TREML4: variants seen among roughly 807,000 people sequenced by gnomAD.
TREML4 encodes triggering receptor expressed on myeloid cells like 4, also known as trem-like transcript 4 protein.
Under a neutral mutation model 25.4 loss-of-function variants are expected in TREML4, and 25 were observed. That is an observed-to-expected ratio of 0.98 (90% CI 0.72 to 1.37). The LOEUF (loss-of-function observed/expected upper bound fraction) is 1.37. Ranked by LOEUF, TREML4 falls within the 40% of genes most tolerant of loss-of-function variation. The pLI, the probability that TREML4 is intolerant of heterozygous loss-of-function variation, is 0.00. For synonymous variants in TREML4, 92 were observed against 87.9 expected (o/e 1.05, Z -0.26); for missense variants, 268 against 236.5 (o/e 1.13, Z -0.87).
intron 1 of TREML4, 77 bp from the exon 2 acceptor site, chr6:41,228,636 TC>T: frequency 2.0e-6 from 3 of 1,516,440 alleles, no homozygotes; most frequent in South Asian, 1.2e-5. Flanking sequence ...CCCCTCCCCT[TC>T]CCCAGCCTGT....
chr6:41,233,681 A>T (rs1766843994), intron 4 of TREML4, among the ~76,000 whole-genome samples: 1 of 152,044 alleles, frequency 6.6e-6, no homozygotes, highest in Middle Eastern at 3.2e-3. Context: ...CTCTCAGAGG[A>T]TCAAAGACCA....
chr6:41,230,193 G>A lies in TREML4; in HGVS notation c.506+71G>A, dbSNP rs1766764810. On this transcript the variant is annotated intron_variant, in intron 4 of 5. Transcript: ENST00000341495. Reference sequence around the variant, plus strand: ...GGGCCTGATTAGCTCCTGAACCTTGGAATCAAGTCCAGGGCACCCAGGGAT... The same window carrying A: ...GGGCCTGATTAGCTCCTGAACCTTGAAATCAAGTCCAGGGCACCCAGGGAT... 15 of 1,313,734 alleles carry A rather than the reference G, an allele frequency of 1.1e-5. No homozygotes were observed. In the South Asian group the frequency reaches 1.6e-4, roughly 14 times the overall value. 81.4% of individuals were successfully genotyped at this position (1,313,734 alleles called of 1,614,324 possible).
chr6:41,231,414 A>AT lies in TREML4; in HGVS notation c.506+1294dup, dbSNP rs569807642. Among the ~76,000 whole-genome samples the AT allele has an allele frequency of 7.2e-5, 11 of 152,150 alleles. No homozygotes were observed. The South Asian group carries it at 2.3e-3, about 32-fold the overall frequency. ...ATCTAATATGCCCAGTGGAATCTGA[A>AT]TTCACAAGCCAAAATACCTAGGCTC... On this transcript the variant is annotated intron_variant, in intron 4 of 5. Coordinates refer to ENST00000341495, the MANE Select transcript of TREML4 (RefSeq NM_198153.3).
At chr6:41,236,684 G>A (rs776504986) in intron 5 of TREML4, 67 bp downstream of exon 5, 10 of 898,560 alleles carry the variant, frequency 1.1e-5, no homozygotes, top group Non-Finnish European at 1.6e-5. Flanking sequence ...TAGAAAGATG[G>A]CTAGGAAGAA....
chr6:41,231,896 GAAAAGACCTCA>G (rs1766807213), intron 4 of TREML4, among the ~76,000 whole-genome samples: 2 of 152,078 alleles, frequency 1.3e-5, no homozygotes, highest in South Asian at 4.1e-4. Flanking sequence ...AATTATAGAA[GAAAAGACCTCA>G]AATTGAAAAG....
intron 3 of TREML4, chr6:41,229,783 G>A (rs1357274983): frequency 1.1e-5 from 7 of 639,052 alleles, no homozygotes; most frequent in African/African-American, 3.6e-5. Context: ...ATGTTCTCAC[G>A]ATGATGGGAG....
At chr6:41,228,549 C>A in intron 1 of TREML4, 59 bp downstream of exon 1, 1 of 1,562,930 alleles carries the variant, frequency 6.4e-7, no homozygotes. Context: ...ATGAGTGGGG[C>A]AGGGAGCAGC....
Position 41,229,558 on chromosome 6 carries a change from C to G in TREML4, c.432C>G (p.Leu144=), listed in dbSNP as rs201020605. 8.0e-5 allele frequency: 129 copies of G among 1,613,802 alleles called. No individual in the cohort carries two copies. In the Middle Eastern group the frequency reaches 8.2e-4, roughly 10 times the overall value. The change falls in exon 3 of 6, where the codon CTC becomes CTG. Residue 144 remains leucine (L), a synonymous_variant. Coordinates refer to ENST00000341495, the MANE Select transcript of TREML4 (RefSeq NM_198153.3). ...TTSPMWTLPW[L]PTSTVLITSP... ...CTCCTATGTGGACTCTTCCCTGGCT[C>G]CCAACAAGCACAGGTAGGTTGGAGG... is the stretch of plus-strand genomic sequence containing the variant.
chr6:41,237,065 A>AT lies in TREML4; in HGVS notation c.*46_*47insT. 1 of 156,584 alleles carries AT rather than the reference A, an allele frequency of 6.4e-6. No individual in the cohort carries two copies. The highest frequency in any genetic ancestry group is 1.4e-5 in the Non-Finnish European group (1 of 70,588). 9.7% of individuals were successfully genotyped at this position (156,584 alleles called of 1,614,324 possible). A position where few individuals can be genotyped will look rare whatever the true frequency, so the allele number is the denominator to read the frequency against. ...CTTGCCCCATCTCAGGACAGCAGTGACGAGGTTTCTGATTGTCCCAGCACA... is the reference window on the plus strand; with the variant it reads ...CTTGCCCCATCTCAGGACAGCAGTGATCGAGGTTTCTGATTGTCCCAGCACA... On this transcript the variant is annotated 3_prime_UTR_variant, in exon 6 of 6. Coordinates refer to ENST00000341495, the MANE Select transcript of TREML4 (RefSeq NM_198153.3).
At position 41,236,509 on chromosome 6, in the gene TREML4, TTGGC is replaced by T; in HGVS notation, c.532_535del (p.Gly178GlnfsTer20). 1.9e-6 allele frequency: 3 copies of T among 1,614,026 alleles called. No homozygotes were observed. Among genetic ancestry groups the T allele is most frequent in the Admixed American group, 1.7e-5 (1 of 60,016 alleles). On this transcript the variant is annotated frameshift_variant, in exon 5 of 6. Transcript: ENST00000341495. LOFTEE classifies it high-confidence loss of function. ...AGGAAATCAAGAGCCCCTGCCTGCC[TTGGC>T]TCAGGTGGCCCCAGATTCCTGGTCT...
In TREML4 at chr6:41,228,820, A is replaced by G. The variant is rs1236454946; in HGVS notation, c.170A>G (p.Gln57Arg). 6.2e-7 allele frequency: 1 copy of G among 1,614,168 alleles called. No individual in the cohort carries two copies. The highest frequency in any genetic ancestry group is 1.7e-5 in the Admixed American group (1 of 60,020). ...GPYQPKSWCQ[Q>R]TSPSRCTLLV... Reference sequence around the variant, plus strand: ...TATCAGCCCAAATCCTGGTGTCAGCAGACATCTCCAAGTCGGTGTACCTTA... The same window carrying G: ...TATCAGCCCAAATCCTGGTGTCAGCGGACATCTCCAAGTCGGTGTACCTTA... Residue 57 changes from glutamine (Q) to arginine (R), a missense_variant, in exon 2 of 6, where the codon CAG (glutamine) becomes CGG (arginine). Coordinates refer to ENST00000341495, the MANE Select transcript of TREML4 (RefSeq NM_198153.3).
intron 3 of TREML4, among the ~76,000 whole-genome samples, chr6:41,229,835 G>C (rs534898563): frequency 1.3e-5 from 2 of 152,306 alleles, no homozygotes; most frequent in East Asian, 1.9e-4. Flanking sequence ...CCTTGCACAC[G>C]TGTGTCCCAG....
At chr6:41,231,516 C>T (rs928717993) in intron 4 of TREML4, among the ~76,000 whole-genome samples, 3 of 152,124 alleles carry the variant, frequency 2.0e-5, no homozygotes, top group African/African-American at 4.8e-5. Context: ...ATGGGAACTG[C>T]CCATTCCCCA....
Position 41,228,419 on chromosome 6 carries a change from T to G in TREML4, c.-9T>G. 1 of 1,607,928 alleles carries G rather than the reference T, an allele frequency of 6.2e-7. No homozygotes were observed. The highest frequency in any genetic ancestry group is 8.5e-7 in the Non-Finnish European group (1 of 1,177,242). ...TCTCCTCCGCTGTCAGAAACAGATC[T>G]GGGCTGGAATGGCCTGGGGTGGGGT... On this transcript the variant is annotated 5_prime_UTR_variant, in exon 1 of 6. Coordinates refer to ENST00000341495, the MANE Select transcript of TREML4 (RefSeq NM_198153.3).
chr6:41,229,217 C>T (rs141396816), intron 2 of TREML4, among the ~76,000 whole-genome samples, 173 bp downstream of exon 2: 4 of 152,234 alleles, frequency 2.6e-5, no homozygotes, highest in South Asian at 2.1e-4. Context: ...CTCCTCCACC[C>T]GGTACATCCT....
chr6:41,231,287 C>T (rs1037469411), intron 4 of TREML4, among the ~76,000 whole-genome samples: 2 of 152,112 alleles, frequency 1.3e-5, no homozygotes, highest in African/African-American at 4.8e-5. Flanking sequence ...TCTCAGGCGC[C>T]AAAAAGGTTG....
chr6:41,233,066 T>C (rs1414208083), intron 4 of TREML4, among the ~76,000 whole-genome samples: 1 of 152,142 alleles, frequency 6.6e-6, no homozygotes, highest in Admixed American at 6.5e-5. Flanking sequence ...ATGTAGATAT[T>C]GATAAGCTCA....
chr6:41,236,958 C>G (rs532928795), intron 5 of TREML4, 97 bp from the exon 6 acceptor site: 1 of 172,884 alleles, frequency 5.8e-6, no homozygotes, highest in Admixed American at 5.9e-5. Context: ...GGGGGAGGGG[C>G]GGGAAGAGGA....
At chr6:41,230,039 T>A in intron 3 of TREML4, 23 bp from the exon 4 acceptor site, 1 of 1,597,110 alleles carries the variant, frequency 6.3e-7, no homozygotes, top group Middle Eastern at 1.7e-4. Flanking sequence ...GGGCAGCCAC[T>A]GTCTTCTTTG....
Sources: gnomAD v4.1 joint callset for allele counts (sites outside exome capture counted in the v4.1 genomes callset) on GRCh38, gnomAD v4.1.1 for gene constraint, MANE v1.5 for transcripts, NCBI Gene and HGNC (gene_info 2026-07-23, HGNC 2026-07-21) for gene names.